Variants in PTPRD observed in about 807,000 individuals in gnomAD.
The protein encoded by PTPRD is receptor-type tyrosine-protein phosphatase delta.
Under a neutral mutation model 214.5 loss-of-function variants are expected in PTPRD, and 34 were observed. The observed-to-expected ratio is 0.16, with a 90% CI of 0.12 to 0.21. The LOEUF is 0.21. PTPRD is among the 10% of genes least tolerant of loss of function. The probability of loss-of-function intolerance (pLI) is 1.00; values close to 1 mark genes in which losing one functional copy is unlikely to be tolerated. For synonymous variants in PTPRD, 1,128 were observed against 845.7 expected (o/e 1.33, Z -5.79); for missense variants, 2,545 against 2,398.7 (o/e 1.06, Z -1.27).
At chr9:9,115,229 G>A (rs1020473047) in intron 10 of PTPRD, among the ~76,000 whole-genome samples, 1 of 152,078 alleles carries the variant, frequency 6.6e-6, no homozygotes, top group Non-Finnish European at 1.5e-5. Flanking sequence ...TCAGAGATTG[G>A]GGTATGTTCC....
At chr9:9,656,149 G>T (rs1262915316) in intron 7 of PTPRD, among the ~76,000 whole-genome samples, 1 of 152,176 alleles carries the variant, frequency 6.6e-6, no homozygotes, top group South Asian at 2.1e-4. Context: ...TGGAACAACA[G>T]AAATTATCAT....
At chr9:8,962,972 G>A (rs1457874253) in intron 11 of PTPRD, 2 of 152,016 alleles carry the variant, frequency 1.3e-5, no homozygotes, top group East Asian at 1.9e-4. Context: ...TTTCCCAGCA[G>A]CACTGTTTGT....
intron 21 of PTPRD, among the ~76,000 whole-genome samples, chr9:8,517,098 G>A (rs2097794329): frequency 1.3e-5 from 2 of 152,052 alleles, no homozygotes; most frequent in South Asian, 4.2e-4. Flanking sequence ...GAGCCACTGT[G>A]CGTGGCTCAA....
chr9:8,687,252 T>C (rs1327510870), intron 12 of PTPRD, among the ~76,000 whole-genome samples: 2 of 152,240 alleles, frequency 1.3e-5, no homozygotes, highest in African/African-American at 4.8e-5. Flanking sequence ...ACATTTGGTT[T>C]CAAAGCGCTT....
At chr9:8,483,823 CAAACAAA>C (rs2096941433) in intron 30 of PTPRD, among the ~76,000 whole-genome samples, 1 of 150,024 alleles carries the variant, frequency 6.7e-6, no homozygotes, top group Non-Finnish European at 1.5e-5. Flanking sequence ...AACAAACAAA[CAAACAAA>C]AAGCTTTGTA....
intron 10 of PTPRD, chr9:9,090,972 C>T: frequency 8.9e-6 from 14 of 1,573,938 alleles, no homozygotes; most frequent in Non-Finnish European, 1.2e-5. Flanking sequence ...GCTGCACTAA[C>T]TGTGCCCGAT....
intron 10 of PTPRD, among the ~76,000 whole-genome samples, chr9:9,033,661 C>G (rs2099612741): frequency 6.6e-6 from 1 of 152,028 alleles, no homozygotes; most frequent in Non-Finnish European, 1.5e-5. Context: ...AAACCAACCT[C>G]TCTACTGCTC....
chr9:8,390,824 G>A (rs1228666957), intron 36 of PTPRD, among the ~76,000 whole-genome samples: 1 of 152,152 alleles, frequency 6.6e-6, no homozygotes, highest in Non-Finnish European at 1.5e-5. Flanking sequence ...CCTAGCAAAG[G>A]AAATGGTAGG....
At chr9:9,040,026 T>C (rs1480354841) in intron 10 of PTPRD, among the ~76,000 whole-genome samples, 1 of 151,984 alleles carries the variant, frequency 6.6e-6, no homozygotes, top group Non-Finnish European at 1.5e-5. Flanking sequence ...ACTTTACAGA[T>C]GAGGAAGCTA....
At chr9:9,987,620 C>T (rs970988852) in intron 4 of PTPRD, among the ~76,000 whole-genome samples, 2 of 152,108 alleles carry the variant, frequency 1.3e-5, no homozygotes, top group African/African-American at 4.8e-5. Context: ...TTAGCCAAAC[C>T]ATATCTAATG....
intron 5 of PTPRD, among the ~76,000 whole-genome samples, chr9:9,770,431 C>A (rs1290149576): frequency 6.6e-6 from 1 of 152,018 alleles, no homozygotes. Flanking sequence ...ACTGAACTTC[C>A]ATAAGCAAAA....
At chr9:10,546,921 T>C (rs1268146876) in intron 2 of PTPRD, among the ~76,000 whole-genome samples, 1 of 152,084 alleles carries the variant, frequency 6.6e-6, no homozygotes, top group Non-Finnish European at 1.5e-5. Flanking sequence ...AAGCAAAATT[T>C]GACCAAGTTT....
At chr9:8,755,698 A>G (rs1259909561) in intron 11 of PTPRD, among the ~76,000 whole-genome samples, 1 of 152,252 alleles carries the variant, frequency 6.6e-6, no homozygotes, top group African/African-American at 2.4e-5. Flanking sequence ...ACAGCTTATT[A>G]ATGCATAGTT....
At chr9:9,098,505 T>A (rs1157227700) in intron 10 of PTPRD, among the ~76,000 whole-genome samples, 1 of 152,158 alleles carries the variant, frequency 6.6e-6, no homozygotes, top group Non-Finnish European at 1.5e-5. Context: ...AGCCTCAGCC[T>A]CCCAAAGTGC....
intron 5 of PTPRD, among the ~76,000 whole-genome samples, chr9:9,872,392 G>C (rs1370388744): frequency 6.6e-6 from 1 of 151,876 alleles, no homozygotes; most frequent in Non-Finnish European, 1.5e-5. Flanking sequence ...TTGAGCATAG[G>C]AGTTTGAGAC....
At chr9:10,612,172 T>C (rs1263762097) in intron 2 of PTPRD, among the ~76,000 whole-genome samples, 1 of 134,912 alleles carries the variant, frequency 7.4e-6, no homozygotes, top group East Asian at 2.1e-4. Flanking sequence ...AGGCTGCCCA[T>C]ACTGATCCCA....
At chr9:9,790,963 G>C (rs1202932966) in intron 5 of PTPRD, among the ~76,000 whole-genome samples, 2 of 152,150 alleles carry the variant, frequency 1.3e-5, no homozygotes, top group Non-Finnish European at 2.9e-5. Context: ...TTGGAAGACA[G>C]ATGGTTCAGT....
intron 9 of PTPRD, among the ~76,000 whole-genome samples, chr9:9,245,912 C>T (rs902306175): frequency 1.3e-5 from 2 of 151,976 alleles, no homozygotes; most frequent in Non-Finnish European, 2.9e-5. Flanking sequence ...TGGCTTGGTT[C>T]TGTAGCTTTC....
intron 8 of PTPRD, among the ~76,000 whole-genome samples, chr9:9,441,117 G>C (rs2087532062): frequency 6.6e-6 from 1 of 152,110 alleles, no homozygotes; most frequent in Non-Finnish European, 1.5e-5. Context: ...TGGAAAGAGT[G>C]TGACCTTGAA....
Sources: allele counts gnomAD v4.1 joint callset (sites outside exome capture counted in the v4.1 genomes callset), GRCh38; gene constraint gnomAD v4.1.1; transcripts MANE v1.5; gene names NCBI Gene and HGNC (gene_info 2026-07-23, HGNC 2026-07-21).